The following NCAN variants were observed in gnomAD, a reference collection of about 807,000 sequenced individuals.
NCAN encodes neurocan.
In NCAN, 47 loss-of-function variants were observed where a neutral mutation model predicts 121.8. The observed-to-expected ratio is 0.39, with a 90% CI of 0.31 to 0.49. NCAN has a LOEUF of 0.49. Ranked by LOEUF, NCAN falls within the 20% of genes least tolerant of loss-of-function variation. The pLI, the probability that NCAN is intolerant of heterozygous loss-of-function variation, is 0.92. For synonymous variants in NCAN, 633 were observed against 702.0 expected, an observed-to-expected ratio of 0.90 and a Z score of 1.55; for missense variants, 1,517 against 1,773.4, an observed-to-expected ratio of 0.86 and a Z score of 2.60.
Position 19,224,156 on chromosome 19 carries a change from A to T in NCAN, c.611A>T (p.Asp204Val). The part of the protein sequence containing the change: ...HLQAAFEDGF[D>V]NCDAGWLSDR... ...CAGGCTGCCTTTGAGGATGGCTTTGACAACTGTGATGCTGGCTGGCTCTCT... is the reference window on the plus strand; with the variant it reads ...CAGGCTGCCTTTGAGGATGGCTTTGTCAACTGTGATGCTGGCTGGCTCTCT... The change falls in exon 4 of 15, where the codon GAC becomes GTC. Residue 204 changes from aspartate (D) to valine (V), a missense_variant. By Grantham distance (152) the Asp-to-Val change is radical. Coordinates refer to ENST00000252575, the MANE Select transcript of NCAN (RefSeq NM_004386.3). The T allele has an allele frequency of 1.2e-6, 2 of 1,601,046 alleles. No homozygotes were observed. Among genetic ancestry groups the T allele is most frequent in the Non-Finnish European group, 8.5e-7 (1 of 1,169,942 alleles).
rs944777135 is a variant in NCAN, at chr19:19,212,716, T to C, written c.-8+652T>C. On this transcript the variant is annotated intron_variant, in intron 1 of 14. Transcript: ENST00000252575. The surrounding 1 kb of genome is among the most constrained non-coding windows in gnomAD (Gnocchi z 4.5). The stretch of plus-strand genomic sequence containing the variant: ...CCAACGTGGTTCCCCGTTATTCCCT[T>C]AGACCTTGGGTTGAGGTGTTGTCCC... Among the ~76,000 whole-genome samples, 9 of 152,286 alleles carry C rather than the reference T, an allele frequency of 5.9e-5. No homozygotes were observed. Among genetic ancestry groups the C allele is most frequent in the Middle Eastern group, 3.4e-3 (1 of 294 alleles).
intron 3 of NCAN, among the ~76,000 whole-genome samples, chr19:19,221,937 G>T (rs975472452): frequency 7.9e-5 from 12 of 151,990 alleles, no homozygotes; most frequent in Non-Finnish European, 2.9e-5. Flanking sequence ...TAAAGAACAG[G>T]GTTTGGCACA....
intron 12 of NCAN, among the ~76,000 whole-genome samples, chr19:19,243,515 C>CA (rs781710638): frequency 0.068 from 2,858 of 41,852 alleles, 110 homozygotes; most frequent in African/African-American, 0.11. Context: ...GACTCCATCT[C>CA]AAAAAAAAAA....
At chr19:19,243,645 G>A (rs142590549) in intron 12 of NCAN, among the ~76,000 whole-genome samples, 2 of 152,220 alleles carry the variant, frequency 1.3e-5, no homozygotes, top group African/African-American at 2.4e-5. Context: ...AGGTTGCAGC[G>A]AGCCAAGGTA....
chr19:19,212,443 A>T lies in NCAN; in HGVS notation c.-8+379A>T, dbSNP rs2060778775. The stretch of plus-strand genomic sequence containing the variant: ...CGAATGGGGGACTCTGGAACAGGGC[A>T]CCCCCGTATCTCAGCCGAGACACCC... On this transcript the variant is annotated intron_variant, in intron 1 of 14. Coordinates refer to ENST00000252575, the MANE Select transcript of NCAN (RefSeq NM_004386.3). The surrounding 1 kb of genome is among the most constrained non-coding windows in gnomAD (Gnocchi z 4.5). Among the ~76,000 whole-genome samples the T allele has an allele frequency of 6.6e-6, 1 of 151,366 alleles. No homozygotes were observed. Among genetic ancestry groups the T allele is most frequent in the Middle Eastern group, 3.2e-3 (1 of 316 alleles).
At chr19:19,240,796 A>T in intron 12 of NCAN, 111 bp downstream of exon 12, 1 of 1,026,548 alleles carries the variant, frequency 9.7e-7, no homozygotes, top group Non-Finnish European at 1.5e-6. Context: ...AGAGGTCTCT[A>T]GTGGCTCCAA....
At chr19:19,235,137 G>A (rs1196633608) in intron 10 of NCAN, 41 bp downstream of exon 10, 1 of 1,434,594 alleles carries the variant, frequency 7.0e-7, no homozygotes, top group Non-Finnish European at 9.8e-7. Flanking sequence ...ACCAAGAGTG[G>A]GGTTGGGTGC....
At chr19:19,239,021 T>C (rs2060891928) in intron 11 of NCAN, among the ~76,000 whole-genome samples, 1 of 152,104 alleles carries the variant, frequency 6.6e-6, no homozygotes. Flanking sequence ...CTTTCTTCCT[T>C]CCCTGATTTG....
rs544630275 is a variant in NCAN, at chr19:19,226,568, C to G, written c.1155C>G (p.Pro385=). 852 of 1,613,676 alleles carry G rather than the reference C, an allele frequency of 5.3e-4. 16 individuals carry two copies. In the South Asian group the frequency reaches 8.8e-3, roughly 17 times the overall value. The change falls in exon 7 of 15, where the codon CCC becomes CCG. Residue 385 remains proline, a synonymous_variant. Transcript: ENST00000252575. Reference sequence around the variant, plus strand: ...GGGAGATTCTGTCAGCAGAGGGGCCCCCAGTTAGAGAACTGGAGCCCACCC... The same window carrying G: ...GGGAGATTCTGTCAGCAGAGGGGCCGCCAGTTAGAGAACTGGAGCCCACCC... The part of the protein sequence containing the change: ...DEGEILSAEG[P]PVRELEPTLE...
intron 2 of NCAN, among the ~76,000 whole-genome samples, chr19:19,217,399 C>CA (rs2060799815): frequency 1.3e-5 from 2 of 152,314 alleles, no homozygotes; most frequent in Middle Eastern, 3.4e-3. Flanking sequence ...AAATCCCTCA[C>CA]AGATTTGGTC....
intron 8 of NCAN, 31 bp downstream of exon 8, chr19:19,228,670 C>G: frequency 6.4e-7 from 1 of 1,574,232 alleles, no homozygotes; most frequent in Non-Finnish European, 8.6e-7. Flanking sequence ...CTCTGTCCAG[C>G]TCTCCATGGT....
At chr19:19,218,283 T>C (rs946018723) in intron 2 of NCAN, among the ~76,000 whole-genome samples, 1 of 150,876 alleles carries the variant, frequency 6.6e-6, no homozygotes, top group East Asian at 2.0e-4. Context: ...ATCTCAAAAG[T>C]ATAAATAAAT....
chr19:19,227,416 C>A lies in NCAN; in HGVS notation c.1796C>A (p.Thr599Asn). The change falls in exon 8 of 15, where the codon ACC becomes AAC. Residue 599 changes from threonine (T) to asparagine (N), a missense_variant. By Grantham distance (65) the Thr-to-Asn change is moderately conservative. Transcript: ENST00000252575. This position sits in a 1 kb window ranked among gnomAD's most constrained non-coding sequence, Gnocchi z 4.2. ...GAGGGCCCCAGTGCCAGGCCAGCCA[C>A]CCCAGACCTGTTTTGGTCCCCCTTG... ...KAEGPSARPA[T>N]PDLFWSPLEA... 3 of 1,613,702 alleles carry A rather than the reference C, an allele frequency of 1.9e-6. No individual in the cohort carries two copies. Among genetic ancestry groups the A allele is most frequent in the Non-Finnish European group, 8.5e-7 (1 of 1,179,954 alleles).
chr19:19,214,220 A>G (rs2060787748), intron 1 of NCAN, among the ~76,000 whole-genome samples: 1 of 149,126 alleles, frequency 6.7e-6, no homozygotes, highest in African/African-American at 2.5e-5. Context: ...ACACACACTC[A>G]CACACACTCT....
At chr19:19,233,172 G>A (rs1203926167) in intron 8 of NCAN, among the ~76,000 whole-genome samples, 3 of 152,160 alleles carry the variant, frequency 2.0e-5, no homozygotes, top group Non-Finnish European at 4.4e-5. Context: ...GACCTCAGGT[G>A]ATCCACCTGC....
chr19:19,213,751 T>G (rs2060785129), intron 1 of NCAN, among the ~76,000 whole-genome samples: 1 of 152,162 alleles, frequency 6.6e-6, no homozygotes, highest in South Asian at 2.1e-4. Context: ...TGGGACGTGG[T>G]CTGTGTTCAG....
At chr19:19,222,556 G>A (rs1439317854) in intron 3 of NCAN, among the ~76,000 whole-genome samples, 13 of 152,302 alleles carry the variant, frequency 8.5e-5, no homozygotes. Context: ...TGGGATTACA[G>A]GCATGAGCTG....
intron 1 of NCAN, among the ~76,000 whole-genome samples, chr19:19,216,744 T>A (rs2060797618): frequency 6.6e-6 from 1 of 152,242 alleles, no homozygotes. Flanking sequence ...GTCCAGCCAC[T>A]GCTATTCTGA....
chr19:19,232,145 CG>C (rs891108722), intron 8 of NCAN, among the ~76,000 whole-genome samples: 2 of 152,028 alleles, frequency 1.3e-5, no homozygotes, highest in African/African-American at 2.4e-5. Flanking sequence ...ACTAAGGAAA[CG>C]GGGGTTGGAG....
Sources: allele counts gnomAD v4.1 joint callset (sites outside exome capture counted in the v4.1 genomes callset), GRCh38; gene constraint gnomAD v4.1.1; non-coding constraint Gnocchi (gnomAD v3.1); transcripts MANE v1.5; gene names NCBI Gene and HGNC (gene_info 2026-07-23, HGNC 2026-07-21).